The following SRFBP1 variants were observed in gnomAD, a reference collection of about 807,000 sequenced individuals.
SRFBP1 encodes the protein serum response factor-binding protein 1.
In SRFBP1, 47 loss-of-function variants were observed where a neutral mutation model predicts 45.5. That is an observed-to-expected ratio of 1.03 (90% CI 0.82 to 1.32). The LOEUF is 1.32. SRFBP1 is among the 40% of genes most tolerant of loss of function. SRFBP1 has a pLI of 0.00. For missense variants in SRFBP1, 621 were observed against 484.6 expected (o/e 1.28, Z -2.64); for synonymous variants, 203 against 166.3 (o/e 1.22, Z -1.70).
At chr5:121,969,055 A>G (rs984666223) in intron 1 of SRFBP1, among the ~76,000 whole-genome samples, 7 of 152,152 alleles carry the variant, frequency 4.6e-5, no homozygotes, top group Non-Finnish European at 1.0e-4. Flanking sequence ...GTAGCATTTA[A>G]TTTTGTCTTT....
chr5:121,965,200 C>A (rs1752037898), intron 1 of SRFBP1, among the ~76,000 whole-genome samples: 1 of 152,112 alleles, frequency 6.6e-6, no homozygotes, highest in Non-Finnish European at 1.5e-5. Flanking sequence ...TTAATTAGAT[C>A]CCATTTGTCA....
At chr5:122,002,864 G>A (rs1355485610) in intron 4 of SRFBP1, among the ~76,000 whole-genome samples, 2 of 151,916 alleles carry the variant, frequency 1.3e-5, no homozygotes, top group Non-Finnish European at 2.9e-5. Context: ...CCAGCCTTAA[G>A]AAAAAAAGCA....
chr5:121,980,606 G>A (rs1752389103), intron 3 of SRFBP1, among the ~76,000 whole-genome samples: 1 of 152,106 alleles, frequency 6.6e-6, no homozygotes, highest in African/African-American at 2.4e-5. Context: ...TGCTTATGGA[G>A]AAGAAAAATG....
intron 4 of SRFBP1, among the ~76,000 whole-genome samples, chr5:122,012,944 G>A (rs149580095): frequency 5.7e-4 from 87 of 152,164 alleles, no homozygotes; most frequent in African/African-American, 2.0e-3. Context: ...AAATTTCTAG[G>A]AGTTTTTGCA....
intron 4 of SRFBP1, among the ~76,000 whole-genome samples, chr5:122,007,373 C>A (rs540852760): frequency 1.3e-4 from 20 of 151,224 alleles, no homozygotes; most frequent in Admixed American, 1.2e-3. Flanking sequence ...GAGCCTGGTA[C>A]CATGGGGGCT....
chr5:122,042,475 A>G (rs555364772), intron 2 of SRFBP1, among the ~76,000 whole-genome samples: 2 of 151,694 alleles, frequency 1.3e-5, no homozygotes, highest in African/African-American at 4.8e-5. Flanking sequence ...CTATTCTTGA[A>G]CCCTGAGCTC....
intron 2 of SRFBP1, 37 bp from the exon 3 acceptor site, chr5:121,975,278 C>G: frequency 6.2e-7 from 1 of 1,600,254 alleles, no homozygotes. Flanking sequence ...AAAATTAATG[C>G]TTTGCCTGGC....
At chr5:122,058,798 T>G (rs992006856) in intron 2 of SRFBP1, among the ~76,000 whole-genome samples, 7 of 152,120 alleles carry the variant, frequency 4.6e-5, no homozygotes, top group Admixed American at 2.6e-4. Context: ...GTGGTAAATT[T>G]GTGATTCTGT....
downstream of SRFBP1, among the ~76,000 whole-genome samples, chr5:122,031,654 A>G (rs1753589912): frequency 6.6e-6 from 1 of 152,174 alleles, no homozygotes; most frequent in Non-Finnish European, 1.5e-5. Flanking sequence ...ACCCATAGCC[A>G]TACATGCCCA....
intron 2 of SRFBP1, among the ~76,000 whole-genome samples, chr5:122,056,157 TC>T (rs1210776902): frequency 6.6e-6 from 1 of 152,004 alleles, no homozygotes; most frequent in Non-Finnish European, 1.5e-5. Context: ...TTCTATCTTC[TC>T]TCTCTTTTTC....
intron 2 of SRFBP1, among the ~76,000 whole-genome samples, chr5:122,049,567 A>T (rs1753929665): frequency 6.6e-6 from 1 of 152,210 alleles, no homozygotes. Flanking sequence ...AATCAACAGA[A>T]TATACATTCT....
intron 2 of SRFBP1, among the ~76,000 whole-genome samples, chr5:122,053,938 C>A (rs1754033964): frequency 1.3e-5 from 2 of 152,178 alleles, no homozygotes; most frequent in South Asian, 4.1e-4. Context: ...GAAGCTCTAG[C>A]AAGCATCGCC....
At chr5:121,994,405 C>T (rs1267505728) in intron 3 of SRFBP1, among the ~76,000 whole-genome samples, 194 bp from the exon 4 acceptor site, 1 of 151,928 alleles carries the variant, frequency 6.6e-6, no homozygotes, top group East Asian at 1.9e-4. Context: ...TTTTAATAGG[C>T]ACATTACACT....
chr5:122,013,563 A>G (rs1273593799), intron 4 of SRFBP1, among the ~76,000 whole-genome samples: 1 of 152,166 alleles, frequency 6.6e-6, no homozygotes, highest in Non-Finnish European at 1.5e-5. Context: ...CTAATTTTCT[A>G]AATCTATGAA....
intron 4 of SRFBP1, among the ~76,000 whole-genome samples, chr5:121,995,977 T>A (rs1752718189): frequency 6.6e-6 from 1 of 152,108 alleles, no homozygotes; most frequent in Non-Finnish European, 1.5e-5. Context: ...AAGTTGAATC[T>A]CTTAGTAGAC....
chr5:122,009,438 C>G (rs760540279), intron 4 of SRFBP1, among the ~76,000 whole-genome samples: 1 of 151,908 alleles, frequency 6.6e-6, no homozygotes, highest in African/African-American at 2.4e-5. Flanking sequence ...TTCATGTTTT[C>G]TGCCTACTTT....
intron 5 of SRFBP1, among the ~76,000 whole-genome samples, chr5:122,019,578 A>T (rs1176868383): frequency 6.6e-6 from 1 of 151,020 alleles, no homozygotes; most frequent in African/African-American, 2.4e-5. Flanking sequence ...ATATCTTTTT[A>T]TATATAATAT....
chr5:122,042,419 A>G (rs1426540073), intron 2 of SRFBP1, among the ~76,000 whole-genome samples: 7 of 152,034 alleles, frequency 4.6e-5, no homozygotes, highest in African/African-American at 1.2e-4. Flanking sequence ...GATACATGCC[A>G]CCACACCTGG....
intron 2 of SRFBP1, among the ~76,000 whole-genome samples, chr5:122,040,331 A>G (rs1212489399): frequency 6.6e-6 from 1 of 152,186 alleles, no homozygotes; most frequent in African/African-American, 2.4e-5. Flanking sequence ...GTACGATATC[A>G]TCCTGCAAAA....
Sources: gnomAD v4.1 joint callset for allele counts (sites outside exome capture counted in the v4.1 genomes callset) on GRCh38, gnomAD v4.1.1 for gene constraint, MANE v1.5 for transcripts, NCBI Gene and HGNC (gene_info 2026-07-23, HGNC 2026-07-21) for gene names.